GRID1: variants seen among roughly 807,000 people sequenced by gnomAD.
GRID1 encodes the protein glutamate ionotropic receptor delta type subunit 1.
GRID1 carries 28 observed loss-of-function variants against 98.0 expected under a neutral mutation model. The ratio of observed to expected loss-of-function variants is 0.29; its 90% CI spans 0.21 to 0.39. The LOEUF is 0.39. GRID1 is among the 10% of genes least tolerant of loss of function. The pLI is 1.00. For synonymous variants in GRID1, 553 were observed against 538.5 expected (o/e 1.03, Z -0.37); for missense variants, 1,111 against 1,340.5 (o/e 0.83, Z 2.67).
At chr10:86,141,171 A>G (rs1368819994) in intron 3 of GRID1, among the ~76,000 whole-genome samples, 3 of 152,094 alleles carry the variant, frequency 2.0e-5, no homozygotes, top group Non-Finnish European at 4.4e-5. Context: ...AAGGTAGCCA[A>G]CTGAGGACAA....
intron 2 of GRID1, among the ~76,000 whole-genome samples, chr10:86,240,591 G>A (rs11201951): frequency 0.038 from 5,841 of 151,904 alleles, 270 homozygotes; most frequent in African/African-American, 0.11. Flanking sequence ...TGGGTGCGGC[G>A]GGGGCGGGGG....
chr10:86,189,122 C>T (rs1253702485), intron 3 of GRID1, among the ~76,000 whole-genome samples: 1 of 152,176 alleles, frequency 6.6e-6, no homozygotes, highest in Non-Finnish European at 1.5e-5. Flanking sequence ...AGCTCTACTC[C>T]CCTTCTCTAA....
At chr10:85,900,456 A>T (rs1302078619) in intron 5 of GRID1, among the ~76,000 whole-genome samples, 1 of 152,180 alleles carries the variant, frequency 6.6e-6, no homozygotes, top group African/African-American at 2.4e-5. Context: ...TTTCAAATAC[A>T]TTTGCTGCAT....
chr10:85,878,900 G>C (rs1840954875), intron 5 of GRID1, among the ~76,000 whole-genome samples: 1 of 152,052 alleles, frequency 6.6e-6, no homozygotes, highest in Admixed American at 6.6e-5. Context: ...GACACAAATA[G>C]GCTCAAAATA....
At chr10:86,254,692 G>A (rs941508530) in intron 2 of GRID1, among the ~76,000 whole-genome samples, 12 of 152,326 alleles carry the variant, frequency 7.9e-5, no homozygotes, top group Non-Finnish European at 1.6e-4. Flanking sequence ...GCAGGGCCCA[G>A]TAGGCTTCCA....
At chr10:86,059,985 T>C (rs542075440) in intron 4 of GRID1, among the ~76,000 whole-genome samples, 1 of 152,334 alleles carries the variant, frequency 6.6e-6, no homozygotes, top group South Asian at 2.1e-4. Flanking sequence ...CACAAAGTGT[T>C]GGGTCTCAAA....
intron 2 of GRID1, among the ~76,000 whole-genome samples, chr10:86,289,729 C>A (rs529805360): frequency 1.3e-5 from 2 of 152,150 alleles, no homozygotes; most frequent in Admixed American, 6.5e-5. Context: ...GCTGGCCAGA[C>A]ACAGTGGCAG....
At chr10:85,970,349 G>C (rs1842391733) in intron 4 of GRID1, among the ~76,000 whole-genome samples, 1 of 151,984 alleles carries the variant, frequency 6.6e-6, no homozygotes, top group Non-Finnish European at 1.5e-5. Context: ...ACTAAAATCA[G>C]ACAAAGACAC....
chr10:86,233,717 T>C (rs1169667213), intron 2 of GRID1, among the ~76,000 whole-genome samples: 1 of 152,040 alleles, frequency 6.6e-6, no homozygotes, highest in African/African-American at 2.4e-5. Flanking sequence ...CTTTTTCCTC[T>C]CTAACCTGCT....
intron 4 of GRID1, among the ~76,000 whole-genome samples, chr10:86,091,612 G>C (rs966298937): frequency 6.6e-6 from 1 of 151,452 alleles, no homozygotes; most frequent in Admixed American, 6.6e-5. Flanking sequence ...GCCTAGCACC[G>C]GTCCCTCTCC....
intron 2 of GRID1, among the ~76,000 whole-genome samples, chr10:86,248,825 G>T (rs1017512450): frequency 1.3e-5 from 2 of 152,134 alleles, no homozygotes; most frequent in Non-Finnish European, 2.9e-5. Flanking sequence ...CACCTGCCTT[G>T]GCCTCCCAAA....
chr10:86,290,765 A>G (rs573974510), intron 2 of GRID1, among the ~76,000 whole-genome samples: 3 of 152,368 alleles, frequency 2.0e-5, no homozygotes, highest in East Asian at 3.8e-4. Context: ...AAGTAGTATG[A>G]ACAATAAGGC....
At chr10:86,060,121 G>GA (rs1843629209) in intron 4 of GRID1, among the ~76,000 whole-genome samples, 1 of 152,018 alleles carries the variant, frequency 6.6e-6, no homozygotes, top group South Asian at 2.1e-4. Flanking sequence ...GCCAGAAGGG[G>GA]AAAAAAAGCA....
At chr10:85,982,427 G>A (rs1842557231) in intron 4 of GRID1, among the ~76,000 whole-genome samples, 1 of 152,200 alleles carries the variant, frequency 6.6e-6, no homozygotes, top group African/African-American at 2.4e-5. Context: ...TAGACCAGGT[G>A]CTATATGGAA....
chr10:86,300,296 T>C (rs1244513591), intron 2 of GRID1, among the ~76,000 whole-genome samples: 3 of 151,622 alleles, frequency 2.0e-5, no homozygotes, highest in Non-Finnish European at 2.9e-5. Flanking sequence ...GGAAATTTGA[T>C]ATGGTAGCCC....
intron 2 of GRID1, among the ~76,000 whole-genome samples, chr10:86,359,696 C>T (rs1414752424): frequency 1.3e-5 from 2 of 152,208 alleles, no homozygotes; most frequent in Non-Finnish European, 2.9e-5. Context: ...CTTTTACTCA[C>T]AGTAAAAAGT....
At chr10:86,237,246 G>A (rs1407251100) in intron 2 of GRID1, among the ~76,000 whole-genome samples, 6 of 152,162 alleles carry the variant, frequency 3.9e-5, no homozygotes, top group Admixed American at 3.9e-4. Flanking sequence ...GGTCTGATAT[G>A]GTTTGGATTT....
intron 12 of GRID1, among the ~76,000 whole-genome samples, chr10:85,692,007 A>G (rs530309710): frequency 1.3e-5 from 2 of 151,722 alleles, no homozygotes; most frequent in African/African-American, 2.4e-5. Flanking sequence ...TGAGCTGCCA[A>G]TGGGGCAGCT....
intron 2 of GRID1, among the ~76,000 whole-genome samples, chr10:86,231,500 C>T (rs889260562): frequency 6.6e-6 from 1 of 152,192 alleles, no homozygotes; most frequent in Non-Finnish European, 1.5e-5. Context: ...CATGCTGAAC[C>T]AGGCAGGCCC....
Sources: allele counts gnomAD v4.1 joint callset (sites outside exome capture counted in the v4.1 genomes callset), GRCh38; gene constraint gnomAD v4.1.1; transcripts MANE v1.5; gene names NCBI Gene and HGNC (gene_info 2026-07-23, HGNC 2026-07-21).